The following RGS22 variants were observed in gnomAD, a reference collection of about 807,000 sequenced individuals.
RGS22 encodes the protein regulator of G-protein signaling 22.
A neutral mutation model predicts 172.9 loss-of-function variants in RGS22; 148 were observed. That is an observed-to-expected ratio of 0.86 (90% CI 0.75 to 0.98). The LOEUF is 0.98. Among genes scored for constraint, RGS22 ranks in the 50% least tolerant of loss-of-function variants. The pLI is 0.00. For synonymous variants in RGS22, 458 were observed against 480.2 expected (o/e 0.95, Z 0.60); for missense variants, 1,347 against 1,440.8 (o/e 0.93, Z 1.05).
chr8:100,053,051 A>G, intron 9 of RGS22, 75 bp from the exon 10 acceptor site: 1 of 1,308,290 alleles, frequency 7.6e-7, no homozygotes, highest in Non-Finnish European at 1.1e-6. Context: ...CAAAATACAT[A>G]ATAGCTGTGC....
intron 22 of RGS22, among the ~76,000 whole-genome samples, chr8:99,980,255 GAGA>G (rs1812410094): frequency 1.3e-5 from 2 of 152,126 alleles, no homozygotes; most frequent in Non-Finnish European, 2.9e-5. Flanking sequence ...ATTTTAAGCA[GAGA>G]AGTGACATGA....
rs775367828 is a variant in RGS22 at position 100,038,960 on chromosome 8, G to T, written c.2137C>A (p.Gln713Lys). ...YHQLFYQETL[Q>K]PFKVCKQAQY... ...GCTTGCTTGCATACTTTAAAAGGCT[G>T]AAGTGTTTCTTGGTAGAAAAGCTGA... The change falls in exon 14 of 28, where the codon CAG (glutamine) becomes AAG (lysine). Residue 713 changes from glutamine (Q) to lysine (K), a missense_variant. Transcript: ENST00000360863. 6.2e-7 allele frequency: 1 copy of T among 1,611,966 alleles called. No homozygotes were observed. The highest frequency in any genetic ancestry group is 1.1e-5 in the South Asian group (1 of 90,752).
chr8:100,015,792 C>G (rs894157442), intron 14 of RGS22, among the ~76,000 whole-genome samples: 3 of 152,144 alleles, frequency 2.0e-5, no homozygotes, highest in African/African-American at 7.2e-5. Context: ...AGTTTTCTGA[C>G]CAAGCAAGGC....
chr8:100,017,507 A>G (rs1817128687), intron 14 of RGS22, among the ~76,000 whole-genome samples: 1 of 152,212 alleles, frequency 6.6e-6, no homozygotes, highest in Non-Finnish European at 1.5e-5. Context: ...CAATAAAATT[A>G]TAGTACATTT....
intron 14 of RGS22, among the ~76,000 whole-genome samples, chr8:100,035,420 G>A (rs950480032): frequency 6.6e-6 from 1 of 152,102 alleles, no homozygotes; most frequent in Non-Finnish European, 1.5e-5. Context: ...ACCATCTCAC[G>A]CCAGTTAGAA....
At chr8:100,030,714 A>G (rs1320184759) in intron 14 of RGS22, among the ~76,000 whole-genome samples, 1 of 152,206 alleles carries the variant, frequency 6.6e-6, no homozygotes, top group Non-Finnish European at 1.5e-5. Context: ...TAAATCAACA[A>G]TAAGAGAATA....
At chr8:100,024,206 C>A (rs1485738220) in intron 14 of RGS22, 1 of 152,228 alleles carries the variant, frequency 6.6e-6, no homozygotes, top group Non-Finnish European at 1.5e-5. Flanking sequence ...CCTCGTGATC[C>A]ACCCACCTTG....
At chr8:100,081,984 C>A (rs1811798771) in intron 3 of RGS22, among the ~76,000 whole-genome samples, 1 of 149,390 alleles carries the variant, frequency 6.7e-6, no homozygotes, top group Admixed American at 6.7e-5. Context: ...TAATCCAACG[C>A]AAAGAATGTT....
At chr8:100,093,598 T>C in intron 2 of RGS22, 89 bp from the exon 3 acceptor site, 5 of 849,092 alleles carry the variant, frequency 5.9e-6, no homozygotes, top group Non-Finnish European at 7.6e-6. Context: ...ACGAATTTAT[T>C]ATCACATAGA....
chr8:100,057,114 C>T (rs758068091), intron 9 of RGS22, among the ~76,000 whole-genome samples: 6 of 152,208 alleles, frequency 3.9e-5, no homozygotes, highest in Non-Finnish European at 7.3e-5. Flanking sequence ...CATTTCAGAG[C>T]TTTAAGATTT....
At chr8:100,074,968 C>T (rs549004748) in intron 4 of RGS22, among the ~76,000 whole-genome samples, 1 of 152,206 alleles carries the variant, frequency 6.6e-6, no homozygotes, top group African/African-American at 2.4e-5. Context: ...GACGGAGTTT[C>T]ACCATGTTAG....
At chr8:100,006,567 T>G (rs1467817844) in intron 15 of RGS22, among the ~76,000 whole-genome samples, 4 of 152,214 alleles carry the variant, frequency 2.6e-5, no homozygotes, top group Admixed American at 1.3e-4. Flanking sequence ...TAAAACCTCA[T>G]AGCAGGTCTC....
At chr8:100,098,837 ATTTTTTT>A (rs1563732368) in intron 2 of RGS22, among the ~76,000 whole-genome samples, 3 of 142,710 alleles carry the variant, frequency 2.1e-5, no homozygotes, top group Non-Finnish European at 4.5e-5. Flanking sequence ...ACCCCCTTTT[ATTTTTTT>A]ATTTATTTTA....
chr8:100,011,414 C>T (rs1028698556), intron 14 of RGS22, among the ~76,000 whole-genome samples: 19 of 152,284 alleles, frequency 1.2e-4, no homozygotes, highest in Admixed American at 5.2e-4. Flanking sequence ...TCCCAGACTC[C>T]TCTTGGCTTT....
intron 3 of RGS22, among the ~76,000 whole-genome samples, chr8:100,084,591 C>A (rs1386966628): frequency 6.6e-6 from 1 of 152,084 alleles, no homozygotes; most frequent in Admixed American, 6.5e-5. Context: ...TATAATAGAA[C>A]AGAGATCTTT....
At chr8:100,056,885 A>G (rs1209161104) in intron 9 of RGS22, among the ~76,000 whole-genome samples, 4 of 152,190 alleles carry the variant, frequency 2.6e-5, no homozygotes, top group Admixed American at 2.0e-4. Context: ...TGGAGCTGTG[A>G]GAAGAGGGCC....
Position 100,105,397 on chromosome 8 carries a change from G to C in RGS22, c.31C>G (p.Pro11Ala). MPEKRLTAEP[P>A]TITEEEFEDS... ...ACAAATTCTTCTTCTGTAATAGTTG[G>C]TGGCTCTGAAACAAGACAAAATATT... The change falls in exon 2 of 28, where the codon CCA (proline) becomes GCA (alanine). Residue 11 changes from proline to alanine, a missense_variant. Physicochemically the swap from Pro to Ala is conservative, Grantham distance 27. Coordinates refer to ENST00000360863, the MANE Select transcript of RGS22 (RefSeq NM_015668.5). 3.7e-6 allele frequency: 6 copies of C among 1,609,504 alleles called. No homozygotes were observed. The highest frequency in any genetic ancestry group is 5.1e-6 in the Non-Finnish European group (6 of 1,176,288).
chr8:100,035,965 G>A (rs532642467), intron 14 of RGS22, among the ~76,000 whole-genome samples: 97 of 152,258 alleles, frequency 6.4e-4, no homozygotes, highest in African/African-American at 2.2e-3. Flanking sequence ...TTGTGGAGTG[G>A]GGGGCTGGGG....
intron 23 of RGS22, among the ~76,000 whole-genome samples, chr8:99,967,653 A>G (rs1810891429): frequency 6.6e-6 from 1 of 152,140 alleles, no homozygotes; most frequent in Non-Finnish European, 1.5e-5. Context: ...CAGTGCAGCA[A>G]AGCAGCTGTG....
Sources: allele counts gnomAD v4.1 joint callset (sites outside exome capture counted in the v4.1 genomes callset), GRCh38; gene constraint gnomAD v4.1.1; transcripts MANE v1.5; gene names NCBI Gene and HGNC (gene_info 2026-07-23, HGNC 2026-07-21).